OLFM2: variants seen among roughly 807,000 people sequenced by gnomAD.
OLFM2 encodes noelin-2.
Under a neutral mutation model 43.9 loss-of-function variants are expected in OLFM2, and 20 were observed. The ratio of observed to expected loss-of-function variants is 0.46; its 90% CI spans 0.32 to 0.66. The LOEUF (loss-of-function observed/expected upper bound fraction) is 0.66. Among genes scored for constraint, OLFM2 ranks in the 30% least tolerant of loss-of-function variants. The probability of loss-of-function intolerance (pLI) is 0.04; values close to 1 mark genes in which losing one functional copy is unlikely to be tolerated. For synonymous variants in OLFM2, 268 were observed against 278.6 expected (o/e 0.96, Z 0.38); for missense variants, 416 against 643.6 (o/e 0.65, Z 3.83).
rs1454543004 is a variant in OLFM2, at chr19:9,854,894, A to T, written c.688-31T>A. On this transcript the variant is annotated intron_variant, in intron 5 of 5. Coordinates refer to ENST00000264833, the MANE Select transcript of OLFM2 (RefSeq NM_058164.4). The surrounding 1 kb of genome is among the most constrained non-coding windows in gnomAD (Gnocchi z 9.5). ...GTAGCAGCCGCTGGTCACTGGGGGG[A>T]ACCACCACCAACGACCCAAGGGTCC... is the stretch of plus-strand genomic sequence containing the variant. 6.7e-7 allele frequency: 1 copy of T among 1,502,380 alleles called. No individual in the cohort carries two copies. The highest frequency in any genetic ancestry group is 9.0e-7 in the Non-Finnish European group (1 of 1,115,912). The allele number at this position is 1,502,380 out of a possible 1,614,324, so 93.1% of individuals were successfully genotyped here.
intron 1 of OLFM2, among the ~76,000 whole-genome samples, chr19:9,867,126 T>C (rs2046407697): frequency 6.6e-6 from 1 of 152,030 alleles, no homozygotes; most frequent in African/African-American, 2.4e-5. Flanking sequence ...ATCCCAGCAC[T>C]TTGGGAGGTG....
At position 9,888,792 on chromosome 19, in the gene OLFM2, C is replaced by A. The variant is rs369274816; in HGVS notation, c.64-27998G>T. 3.3e-5 allele frequency among the ~76,000 whole-genome samples: 5 copies of A among 152,220 alleles called. No individual in the cohort carries two copies. In the South Asian group the frequency reaches 1.0e-3, roughly 32 times the overall value. ...TTGTTATTTTTAAAATTCTGCCGGGCACGGTGGCTCACGCCTGTAATCCCA... is the reference window on the plus strand; with the variant it reads ...TTGTTATTTTTAAAATTCTGCCGGGAACGGTGGCTCACGCCTGTAATCCCA... On this transcript the variant is annotated intron_variant, in intron 1 of 5. Coordinates refer to ENST00000264833, the MANE Select transcript of OLFM2 (RefSeq NM_058164.4).
At chr19:9,858,004 C>T (rs1306788060) in intron 2 of OLFM2, 143 bp from the exon 3 acceptor site, 2 of 1,023,300 alleles carry the variant, frequency 2.0e-6, no homozygotes, top group Non-Finnish European at 3.0e-6. Context: ...AGCTTACCAG[C>T]AGCCTCCCAA....
intron 1 of OLFM2, among the ~76,000 whole-genome samples, chr19:9,865,492 T>TC (rs1354897649): frequency 1.5e-5 from 2 of 129,678 alleles, no homozygotes; most frequent in Non-Finnish European, 3.3e-5. Flanking sequence ...TTTCTTTTTT[T>TC]TTTTTTTTTT....
chr19:9,910,261 T>G (rs1471383599), intron 1 of OLFM2, among the ~76,000 whole-genome samples: 2 of 152,066 alleles, frequency 1.3e-5, no homozygotes, highest in African/African-American at 4.8e-5. Context: ...AGAAATTAAA[T>G]AATTTCCCCC....
chr19:9,908,823 T>C (rs12974485), intron 1 of OLFM2, among the ~76,000 whole-genome samples: 97,030 of 151,456 alleles, frequency 0.64, 31,570 homozygotes, highest in African/African-American at 0.74. Flanking sequence ...GTGATCCACC[T>C]GCCTTGGCCT....
chr19:9,857,509 A>G lies in OLFM2; in HGVS notation c.361-27T>C, dbSNP rs1427915600. 3 of 1,610,214 alleles carry G rather than the reference A, an allele frequency of 1.9e-6. No homozygotes were observed. The African/African-American group carries it at 4.0e-5, about 21-fold the overall frequency. On this transcript the variant is annotated intron_variant, in intron 3 of 5. Transcript: ENST00000264833. This position sits in a 1 kb window ranked among gnomAD's most constrained non-coding sequence, Gnocchi z 5.7. ...TGTGCATCAAGATGGAACCATGGCC[A>G]AGCCTGACCCCTGGCCTTTGACCCA...
chr19:9,934,754 G>A (rs1298676584), intron 1 of OLFM2, among the ~76,000 whole-genome samples: 1 of 152,170 alleles, frequency 6.6e-6, no homozygotes, highest in African/African-American at 2.4e-5. Flanking sequence ...CAGCGCGTGG[G>A]TGCTGAGATG....
intron 1 of OLFM2, among the ~76,000 whole-genome samples, chr19:9,875,424 G>A (rs562681032): frequency 6.6e-6 from 1 of 152,016 alleles, no homozygotes; most frequent in Non-Finnish European, 1.5e-5. Flanking sequence ...GCCCAAGGAA[G>A]CTTAATTAGA....
At chr19:9,858,684 C>T (rs2046343160) in intron 2 of OLFM2, among the ~76,000 whole-genome samples, 2 of 152,220 alleles carry the variant, frequency 1.3e-5, no homozygotes, top group Admixed American at 1.3e-4. Context: ...ACCCAGCTCC[C>T]ACCTCCACCT....
chr19:9,909,071 C>T (rs971727137), intron 1 of OLFM2, among the ~76,000 whole-genome samples: 5 of 152,078 alleles, frequency 3.3e-5, no homozygotes, highest in African/African-American at 1.2e-4. Context: ...AACTCTTGGC[C>T]TCAAGCAATC....
chr19:9,854,457 T>C lies in OLFM2; in HGVS notation c.1094A>G (p.Tyr365Cys). The C allele has an allele frequency of 6.2e-7, 1 of 1,614,104 alleles. No homozygotes were observed. The highest frequency in any genetic ancestry group is 8.5e-7 in the Non-Finnish European group (1 of 1,180,032). ...LEVMRSWDTG[Y>C]PKRSAGEAFM... ...GGCCTCGCCAGCGCTGCGCTTGGGG[T>C]AGCCGGTGTCCCAGGACCGCATGAC... Residue 365 changes from tyrosine (Y) to cysteine (C), a missense_variant, in exon 6 of 6, where the codon TAC becomes TGC. Transcript: ENST00000264833. This position sits in a 1 kb window ranked among gnomAD's most constrained non-coding sequence, Gnocchi z 9.5.
chr19:9,888,387 G>T (rs2046606947), intron 1 of OLFM2, among the ~76,000 whole-genome samples: 1 of 151,896 alleles, frequency 6.6e-6, no homozygotes, highest in African/African-American at 2.4e-5. Flanking sequence ...AGCCGGGTGT[G>T]GTGGTGCGTG....
Position 9,870,992 on chromosome 19 carries a change from G to C in OLFM2, c.64-10198C>G, listed in dbSNP as rs140322773. Among the ~76,000 whole-genome samples, 50 of 152,136 alleles carry C rather than the reference G, an allele frequency of 3.3e-4. No individual in the cohort carries two copies. The East Asian group carries it at 9.7e-3, about 29-fold the overall frequency. Reference sequence around the variant, plus strand: ...GAGCTCAAGAGTTTAAGACCAGACCGGGCCCAGTGGCTTATGCCTGTAATC... The same window carrying C: ...GAGCTCAAGAGTTTAAGACCAGACCCGGCCCAGTGGCTTATGCCTGTAATC... On this transcript the variant is annotated intron_variant, in intron 1 of 5. Transcript: ENST00000264833.
chr19:9,914,800 C>T (rs2046862077), intron 1 of OLFM2, among the ~76,000 whole-genome samples: 1 of 151,242 alleles, frequency 6.6e-6, no homozygotes, highest in African/African-American at 2.5e-5. Flanking sequence ...TTAATTTCCT[C>T]TGTTTTGCCT....
intron 5 of OLFM2, among the ~76,000 whole-genome samples, chr19:9,855,093 C>T (rs1204483117): frequency 6.6e-6 from 1 of 152,132 alleles, no homozygotes; most frequent in African/African-American, 2.4e-5. Flanking sequence ...CAATGGCTGT[C>T]CAGTGACCAC....
intron 1 of OLFM2, among the ~76,000 whole-genome samples, chr19:9,928,062 T>A (rs1270429578): frequency 6.6e-6 from 1 of 151,362 alleles, no homozygotes; most frequent in African/African-American, 2.4e-5. Flanking sequence ...AAGAGAAAAA[T>A]TAGCTGGATG....
At chr19:9,858,232 C>CA (rs1237927311) in intron 2 of OLFM2, 1 of 351,786 alleles carries the variant, frequency 2.8e-6, no homozygotes, top group African/African-American at 2.2e-5. Context: ...CCTGCCCACC[C>CA]CCCCCGCCCA....
chr19:9,913,566 C>G, intron 1 of OLFM2: 1 of 1,268,796 alleles, frequency 7.9e-7, no homozygotes, highest in Non-Finnish European at 1.0e-6. Flanking sequence ...CAGTTGGTGA[C>G]CATGGCCATG....
Sources: gnomAD v4.1 joint callset for allele counts (sites outside exome capture counted in the v4.1 genomes callset) on GRCh38, gnomAD v4.1.1 for gene constraint, Gnocchi (gnomAD v3.1) non-coding constraint, MANE v1.5 for transcripts, NCBI Gene and HGNC (gene_info 2026-07-23, HGNC 2026-07-21) for gene names.